TMEM132D: variants seen among roughly 807,000 people sequenced by gnomAD.
TMEM132D encodes mature OL transmembrane protein.
A neutral mutation model predicts 62.3 loss-of-function variants in TMEM132D; 21 were observed. The observed-to-expected ratio is 0.34, with a 90% CI of 0.24 to 0.49. The LOEUF is 0.49. Among genes scored for constraint, TMEM132D ranks in the 20% least tolerant of loss-of-function variants. The pLI, the probability that TMEM132D is intolerant of heterozygous loss-of-function variation, is 0.99. For missense variants in TMEM132D, 1,346 were observed against 1,402.8 expected (o/e 0.96, Z 0.65); for synonymous variants, 621 against 575.6 (o/e 1.08, Z -1.13).
intron 4 of TMEM132D, among the ~76,000 whole-genome samples, chr12:129,226,040 C>T (rs147152928): frequency 2.6e-5 from 4 of 152,124 alleles, no homozygotes; most frequent in South Asian, 2.1e-4. Flanking sequence ...AGTTTCGAGC[C>T]GTAGAAGCTG....
chr12:129,689,178 G>T (rs906722650), intron 2 of TMEM132D, among the ~76,000 whole-genome samples: 3 of 152,178 alleles, frequency 2.0e-5, no homozygotes, highest in African/African-American at 4.8e-5. Context: ...CTTGGGGGTT[G>T]CCTGACTTCT....
Position 129,481,861 on chromosome 12 carries a change from C to T in TMEM132D, c.1115+49198G>A, listed in dbSNP as rs1354605740. On this transcript the variant is annotated intron_variant, in intron 3 of 8. Coordinates refer to ENST00000422113, the MANE Select transcript of TMEM132D (RefSeq NM_133448.3). ...CCTATTCACACCATTAGGTAACCCTCCCAGGCACCCCCACCACCACCTACA... is the reference window on the plus strand; with the variant it reads ...CCTATTCACACCATTAGGTAACCCTTCCAGGCACCCCCACCACCACCTACA... Among the ~76,000 whole-genome samples the T allele has an allele frequency of 1.4e-4, 21 of 151,974 alleles. 1 individual carries two copies. Among genetic ancestry groups the T allele is most frequent in the Admixed American group, 1.4e-3 (21 of 15,258 alleles).
chr12:129,531,631 CT>C (rs1221468482), intron 2 of TMEM132D, among the ~76,000 whole-genome samples: 1 of 152,148 alleles, frequency 6.6e-6, no homozygotes, highest in Non-Finnish European at 1.5e-5. Context: ...GTGCCAGGCC[CT>C]GATGGACACT....
intron 1 of TMEM132D, among the ~76,000 whole-genome samples, chr12:129,818,978 T>C (rs998878031): frequency 6.6e-6 from 1 of 151,470 alleles, no homozygotes; most frequent in East Asian, 1.9e-4. Flanking sequence ...GAGGCTGCAG[T>C]GAGCTAGGAT....
At chr12:129,450,926 G>A (rs1290559878) in intron 3 of TMEM132D, among the ~76,000 whole-genome samples, 1 of 142,944 alleles carries the variant, frequency 7.0e-6, no homozygotes, top group Non-Finnish European at 1.5e-5. Context: ...ACCACACCTG[G>A]CTAATTTTTG....
chr12:129,103,979 C>T (rs1262558544), intron 5 of TMEM132D, among the ~76,000 whole-genome samples: 14 of 152,068 alleles, frequency 9.2e-5, no homozygotes, highest in Non-Finnish European at 1.9e-4. Context: ...AGGTAATTTA[C>T]AGATTCAATG....
At chr12:129,698,911 T>C (rs1323589284) in intron 2 of TMEM132D, among the ~76,000 whole-genome samples, 1 of 152,050 alleles carries the variant, frequency 6.6e-6, no homozygotes, top group Non-Finnish European at 1.5e-5. Flanking sequence ...TAAGCCCACA[T>C]ATGAAACATG....
intron 2 of TMEM132D, among the ~76,000 whole-genome samples, chr12:129,687,661 AGCATCTAGGGCT>A (rs1211612789): frequency 6.6e-6 from 1 of 152,036 alleles, no homozygotes; most frequent in Non-Finnish European, 1.5e-5. Context: ...TGTTCACAGG[AGCATCTAGGGCT>A]GCAGCAGAGG....
At chr12:129,206,679 A>G (rs1167744998) in intron 5 of TMEM132D, among the ~76,000 whole-genome samples, 1 of 152,240 alleles carries the variant, frequency 6.6e-6, no homozygotes, top group Non-Finnish European at 1.5e-5. Context: ...ACTATTCACA[A>G]TAGCAAAGAC....
At chr12:129,808,626 T>G (rs1026753852) in intron 1 of TMEM132D, among the ~76,000 whole-genome samples, 2 of 151,896 alleles carry the variant, frequency 1.3e-5, no homozygotes, top group African/African-American at 2.4e-5. Flanking sequence ...AAAGGAGAAA[T>G]TGGCCAGAAC....
intron 5 of TMEM132D, among the ~76,000 whole-genome samples, chr12:129,122,291 G>C (rs1876090106): frequency 6.6e-6 from 1 of 152,202 alleles, no homozygotes; most frequent in Non-Finnish European, 1.5e-5. Flanking sequence ...CAGATGCTGT[G>C]GGGGAAAGCA....
chr12:129,392,355 G>A (rs1871310758), intron 3 of TMEM132D, among the ~76,000 whole-genome samples: 1 of 152,196 alleles, frequency 6.6e-6, no homozygotes, highest in African/African-American at 2.4e-5. Flanking sequence ...ACCGCCCCCT[G>A]CCTGGCCTCA....
intron 2 of TMEM132D, among the ~76,000 whole-genome samples, chr12:129,594,816 A>G (rs1330307916): frequency 6.6e-6 from 1 of 152,140 alleles, no homozygotes; most frequent in African/African-American, 2.4e-5. Flanking sequence ...TGTACATAGT[A>G]GGGACTTCAT....
At chr12:129,407,891 A>C (rs1213670101) in intron 3 of TMEM132D, among the ~76,000 whole-genome samples, 1 of 104,690 alleles carries the variant, frequency 9.6e-6, no homozygotes, top group Non-Finnish European at 2.3e-5. Flanking sequence ...CTCCGACTCA[A>C]AAAAAAAAAA....
intron 3 of TMEM132D, among the ~76,000 whole-genome samples, chr12:129,397,976 G>A (rs1001148000): frequency 3.9e-5 from 6 of 152,182 alleles, no homozygotes; most frequent in Admixed American, 1.3e-4. Context: ...AAAAACAGGT[G>A]TATGTAGCAT....
rs1449795041 is a variant in TMEM132D, at chr12:129,597,705, T to C, written c.969-66500A>G. Among the ~76,000 whole-genome samples the C allele has an allele frequency of 5.3e-5, 8 of 152,310 alleles. No individual in the cohort carries two copies. In the South Asian group the frequency reaches 1.7e-3, roughly 32 times the overall value. On this transcript the variant is annotated intron_variant, in intron 2 of 8. Transcript: ENST00000422113. ...AAAACATTGTATTCACACTCTCACC[T>C]GCGTTTCAACCATAACATAGCATTT...
intron 5 of TMEM132D, among the ~76,000 whole-genome samples, chr12:129,194,951 A>G (rs997320040): frequency 2.6e-5 from 4 of 152,202 alleles, no homozygotes; most frequent in African/African-American, 9.7e-5. Context: ...TTCAACAAAT[A>G]TTGATAGCCC....
chr12:129,603,514 A>G (rs1228046419), intron 2 of TMEM132D, among the ~76,000 whole-genome samples: 1 of 152,018 alleles, frequency 6.6e-6, no homozygotes, highest in Non-Finnish European at 1.5e-5. Context: ...ATAATATTCC[A>G]TTGCCTGACT....
intron 5 of TMEM132D, among the ~76,000 whole-genome samples, chr12:129,158,140 T>A (rs1449942706): frequency 6.6e-6 from 1 of 152,134 alleles, no homozygotes; most frequent in African/African-American, 2.4e-5. Flanking sequence ...TTGTAGAAAC[T>A]GAAGTGAGAG....
Sources: allele counts gnomAD v4.1 joint callset (sites outside exome capture counted in the v4.1 genomes callset), GRCh38; gene constraint gnomAD v4.1.1; transcripts MANE v1.5; gene names NCBI Gene and HGNC (gene_info 2026-07-23, HGNC 2026-07-21).